Variants in WWC2 observed in about 807,000 individuals in gnomAD.
WWC2 encodes protein WWC2.
Under a neutral mutation model 138.5 loss-of-function variants are expected in WWC2, and 101 were observed. The ratio of observed to expected loss-of-function variants is 0.73; its 90% CI spans 0.62 to 0.86. WWC2 has a LOEUF of 0.86. Among genes scored for constraint, WWC2 ranks in the 40% least tolerant of loss-of-function variants. The pLI is 0.00. For synonymous variants in WWC2, 558 were observed against 538.4 expected (o/e 1.04, Z -0.50); for missense variants, 1,420 against 1,419.4 (o/e 1.00, Z -0.01).
chr4:183,175,151 A>G (rs1299020601), intron 1 of WWC2, among the ~76,000 whole-genome samples: 2 of 152,254 alleles, frequency 1.3e-5, no homozygotes, highest in African/African-American at 4.8e-5. Flanking sequence ...TATCATACCT[A>G]TGGAAAATTA....
intron 8 of WWC2, among the ~76,000 whole-genome samples, chr4:183,251,367 A>G (rs955650016): frequency 2.0e-5 from 3 of 152,338 alleles, no homozygotes; most frequent in Middle Eastern, 3.4e-3. Flanking sequence ...GAGAATGGCC[A>G]TTACTCAGAA....
Position 183,245,657 on chromosome 4 carries a change from C to T in WWC2, c.732+112C>T, listed in dbSNP as rs1033999904. ...GTCTGGATGACCCTTCTACCTCTGC[C>T]ACATTTGTGCAGAATGGGCCCTGTG... On this transcript the variant is annotated intron_variant, in intron 6 of 22. Transcript: ENST00000403733. 5 of 1,221,004 alleles carry T rather than the reference C, an allele frequency of 4.1e-6. No individual in the cohort carries two copies. The South Asian group carries it at 6.9e-5, about 17-fold the overall frequency. The allele number at this position is 1,221,004 out of a possible 1,614,324, so 75.6% of individuals were successfully genotyped here.
At chr4:183,310,818 AGCCTGG>A in intron 21 of WWC2, among the ~76,000 whole-genome samples, 1 of 128,974 alleles carries the variant, frequency 7.8e-6, no homozygotes, top group African/African-American at 2.9e-5. Flanking sequence ...CCTAGTACAG[AGCCTGG>A]CATATTGTAA....
intron 4 of WWC2, among the ~76,000 whole-genome samples, chr4:183,232,243 GTTTA>G (rs1200998462): frequency 1.3e-5 from 2 of 152,096 alleles, no homozygotes; most frequent in African/African-American, 4.8e-5. Context: ...CCATTTGCTA[GTTTA>G]TTTTTTTAAT....
chr4:183,135,956 CTCTTT>C (rs145070337), intron 1 of WWC2, among the ~76,000 whole-genome samples: 4,643 of 151,698 alleles, frequency 0.031, 96 homozygotes, highest in Non-Finnish European at 0.037. Context: ...GTTTTCTATT[CTCTTT>C]TCTTTTCTTT....
chr4:183,296,192 TTG>T (rs1201764559), intron 21 of WWC2, among the ~76,000 whole-genome samples: 1 of 152,216 alleles, frequency 6.6e-6, no homozygotes, highest in Non-Finnish European at 1.5e-5. Context: ...CCCAACATAC[TTG>T]TGTACAAAGC....
At chr4:183,139,974 G>A (rs1176181356) in intron 1 of WWC2, among the ~76,000 whole-genome samples, 3 of 152,158 alleles carry the variant, frequency 2.0e-5, no homozygotes, top group South Asian at 4.2e-4. Flanking sequence ...CTCGACGCCC[G>A]GCCAATTTCG....
chr4:183,099,787 C>G (rs1743105852), intron 1 of WWC2, among the ~76,000 whole-genome samples, 165 bp downstream of exon 1: 1 of 151,896 alleles, frequency 6.6e-6, no homozygotes, highest in Non-Finnish European at 1.5e-5. Flanking sequence ...GCCGCCCGTA[C>G]CCGGGCTCCT....
At chr4:183,129,919 C>G (rs1297352352) in intron 1 of WWC2, among the ~76,000 whole-genome samples, 2 of 152,204 alleles carry the variant, frequency 1.3e-5, no homozygotes, top group African/African-American at 4.8e-5. Flanking sequence ...TCCCTCTTTT[C>G]TCTTCAGCAG....
chr4:183,317,033 T>C lies in WWC2; in HGVS notation c.*1304T>C, dbSNP rs1451662680. On this transcript the variant is annotated 3_prime_UTR_variant, in exon 23 of 23. Transcript: ENST00000403733. ...TGCCAGCATCAAGGCTTTTAAAATA[T>C]GTAGTATTTAGGCCATTTAAACCAT... 6.6e-6 allele frequency: 1 copy of C among 152,186 alleles called. No homozygotes were observed. The highest frequency in any genetic ancestry group is 2.4e-5 in the African/African-American group (1 of 41,448). 9.4% of individuals were successfully genotyped at this position (152,186 alleles called of 1,614,324 possible).
chr4:183,139,392 A>G (rs1733220956), intron 1 of WWC2, among the ~76,000 whole-genome samples: 1 of 152,174 alleles, frequency 6.6e-6, no homozygotes, highest in Non-Finnish European at 1.5e-5. Context: ...TTTGATGTCT[A>G]GTGGGCCCCC....
chr4:183,249,793 G>T, intron 7 of WWC2, 127 bp from the exon 8 acceptor site: 1 of 662,538 alleles, frequency 1.5e-6, no homozygotes, highest in Non-Finnish European at 2.6e-6. Context: ...TTTTAAAATT[G>T]GTGTTTCCCG....
In WWC2 at chr4:183,285,955, T is replaced by G. The variant is rs1302624258; in HGVS notation, c.3049-12T>G. The G allele has an allele frequency of 6.4e-7, 1 of 1,571,302 alleles. No individual in the cohort carries two copies. Among genetic ancestry groups the G allele is most frequent in the East Asian group, 2.3e-5 (1 of 43,334 alleles). ...TATGCAGTGATTTTTTTTTTAAATC[T>G]TTTGTTGCCAGTTAAATCGGAGTGA... On this transcript the variant is annotated splice_polypyrimidine_tract_variant and intron_variant, in intron 19 of 22. Coordinates refer to ENST00000403733, the MANE Select transcript of WWC2 (RefSeq NM_024949.6).
intron 1 of WWC2, among the ~76,000 whole-genome samples, chr4:183,175,346 T>C (rs1244501013): frequency 6.6e-6 from 1 of 152,112 alleles, no homozygotes; most frequent in African/African-American, 2.4e-5. Context: ...ACTGTAGCCT[T>C]GATCTCCTGG....
chr4:183,164,338 C>A (rs1403712468), intron 1 of WWC2, among the ~76,000 whole-genome samples: 4 of 570 alleles, frequency 7.0e-3, no homozygotes, highest in African/African-American at 0.021. Context: ...TATATATATA[C>A]ATATATATAT....
At position 183,264,964 on chromosome 4, in the gene WWC2, C is replaced by T. The variant is rs754277410; in HGVS notation, c.1910-14C>T. 8 of 1,607,126 alleles carry T rather than the reference C, an allele frequency of 5.0e-6. No individual in the cohort carries two copies. The highest frequency in any genetic ancestry group is 1.7e-4 in the Middle Eastern group (1 of 6,028). On this transcript the variant is annotated splice_polypyrimidine_tract_variant and intron_variant, in intron 11 of 22. Transcript: ENST00000403733. ...AAGACATTCTGATTAGTGCTCTCAC[C>T]CTCCCCTCCATAGATGTGGAAAAAT...
intron 1 of WWC2, among the ~76,000 whole-genome samples, chr4:183,123,402 GGTGT>G (rs67158904): frequency 4.3e-4 from 64 of 147,714 alleles, no homozygotes; most frequent in African/African-American, 1.3e-3. Flanking sequence ...GCAAGTTTCA[GGTGT>G]GTGTGTGTGT....
At chr4:183,245,318 T>A in intron 5 of WWC2, 98 bp from the exon 6 acceptor site, 1 of 1,016,498 alleles carries the variant, frequency 9.8e-7, no homozygotes. Context: ...AGTGAAATAA[T>A]CATCCAACTG....
chr4:183,253,101 G>A lies in WWC2; in HGVS notation c.954-656G>A, dbSNP rs529827169. ...TCGCTATGTTGCCCAGGCTGGTCTC[G>A]AACTCATGGCCTCACATGATCGTGC... On this transcript the variant is annotated intron_variant, in intron 8 of 22. Coordinates refer to ENST00000403733, the MANE Select transcript of WWC2 (RefSeq NM_024949.6). Among the ~76,000 whole-genome samples, 22 of 152,138 alleles carry A rather than the reference G, an allele frequency of 1.4e-4. No individual in the cohort carries two copies. In the South Asian group the frequency reaches 4.4e-3, roughly 30 times the overall value.
Sources: gnomAD v4.1 joint callset for allele counts (sites outside exome capture counted in the v4.1 genomes callset) on GRCh38, gnomAD v4.1.1 for gene constraint, MANE v1.5 for transcripts, NCBI Gene and HGNC (gene_info 2026-07-23, HGNC 2026-07-21) for gene names.